AFAP1: variants seen among roughly 807,000 people sequenced by gnomAD.
The protein encoded by AFAP1 is actin filament associated protein 1.
In AFAP1, 75 loss-of-function variants were observed where a neutral mutation model predicts 93.9. The observed-to-expected ratio is 0.80, with a 90% CI of 0.66 to 0.97. The LOEUF is 0.97. AFAP1 is among the 50% of genes least tolerant of loss of function. The probability of loss-of-function intolerance (pLI) is 0.00; values close to 1 mark genes in which losing one functional copy is unlikely to be tolerated. For synonymous variants in AFAP1, 517 were observed against 430.7 expected, an observed-to-expected ratio of 1.20 and a Z score of -2.48; for missense variants, 1,201 against 1,050.8, an observed-to-expected ratio of 1.14 and a Z score of -1.98.
intron 1 of AFAP1, among the ~76,000 whole-genome samples, chr4:7,924,597 A>G (rs921042104): frequency 3.3e-5 from 5 of 152,194 alleles, no homozygotes; most frequent in African/African-American, 4.8e-5. Context: ...AAAAATTCCC[A>G]GTGTATCCAA....
chr4:7,773,119 G>C lies in AFAP1; in HGVS notation c.2063-109C>G. The C allele has an allele frequency of 4.1e-6, 6 of 1,458,602 alleles. No homozygotes were observed. The African/African-American group carries it at 7.1e-5, about 17-fold the overall frequency. 90.4% of individuals were successfully genotyped at this position (1,458,602 alleles called of 1,614,324 possible). A position where few individuals can be genotyped will look rare whatever the true frequency, so the allele number is the denominator to read the frequency against. ...ACTTCCACAAAACGTCTGAGGTCGA[G>C]CTCCCCTGACTTAGGTCCTCGTTGT... On this transcript the variant is annotated intron_variant, in intron 15 of 17. Coordinates refer to ENST00000420658, the MANE Select transcript of AFAP1 (RefSeq NM_001134647.2).
chr4:7,851,689 G>A (rs1404561992), intron 4 of AFAP1, among the ~76,000 whole-genome samples: 1 of 152,138 alleles, frequency 6.6e-6, no homozygotes, highest in Non-Finnish European at 1.5e-5. Context: ...CAGCAACACG[G>A]ACTTCACTCA....
intron 6 of AFAP1, among the ~76,000 whole-genome samples, chr4:7,834,782 A>G (rs942735510): frequency 2.0e-5 from 3 of 152,262 alleles, no homozygotes; most frequent in Middle Eastern, 3.2e-3. Flanking sequence ...CAAAATACCC[A>G]TAAGCAGGAT....
chr4:7,881,707 C>T (rs1232062472), intron 1 of AFAP1, among the ~76,000 whole-genome samples: 2 of 151,668 alleles, frequency 1.3e-5, no homozygotes, highest in Admixed American at 1.3e-4. Flanking sequence ...CACTTGAATC[C>T]GGGTGGTGGA....
chr4:7,895,337 T>C (rs776278221), intron 1 of AFAP1, among the ~76,000 whole-genome samples: 29 of 152,166 alleles, frequency 1.9e-4, no homozygotes, highest in Non-Finnish European at 3.5e-4. Flanking sequence ...CCTTAGCTCG[T>C]AAGAAGTCTC....
rs1183702608 is a variant in AFAP1, at chr4:7,909,072, A to AG, written c.-3+30583dup. Reference sequence around the variant, plus strand: ...TAAAACTAAAGTAGTCTTTGGTTCGAGGGGTAAGGGTATACTACCTTTTAC... The same window carrying AG: ...TAAAACTAAAGTAGTCTTTGGTTCGAGGGGGTAAGGGTATACTACCTTTTAC... On this transcript the variant is annotated intron_variant, in intron 1 of 17. Transcript: ENST00000420658. Among the ~76,000 whole-genome samples, 5 of 152,362 alleles carry AG rather than the reference A, an allele frequency of 3.3e-5. No homozygotes were observed. In the South Asian group the frequency reaches 8.3e-4, roughly 25 times the overall value.
At chr4:7,784,085 G>A (rs1446379769) in intron 12 of AFAP1, among the ~76,000 whole-genome samples, 1 of 151,714 alleles carries the variant, frequency 6.6e-6, no homozygotes, top group Non-Finnish European at 1.5e-5. Flanking sequence ...CCTGCCACAG[G>A]CTGGTATGGT....
In AFAP1 at chr4:7,799,954, G is replaced by A. The variant is rs539461254; in HGVS notation, c.1266+488C>T. Among the ~76,000 whole-genome samples the A allele has an allele frequency of 1.6e-4, 24 of 152,250 alleles. No homozygotes were observed. The South Asian group carries it at 2.5e-3, about 16-fold the overall frequency. ...TGTGTCATGTGGCTCACTGGCCGCC[G>A]TCTATAAGGCATTCAGATGGCCCCA... On this transcript the variant is annotated intron_variant, in intron 10 of 17. Transcript: ENST00000420658.
chr4:7,794,681 C>G (rs930043023), intron 10 of AFAP1, among the ~76,000 whole-genome samples: 1 of 146,412 alleles, frequency 6.8e-6, no homozygotes, highest in Non-Finnish European at 1.5e-5. Flanking sequence ...ACCACCAAGT[C>G]CAGCTAATTT....
At chr4:7,902,234 C>G (rs537364180) in intron 1 of AFAP1, among the ~76,000 whole-genome samples, 1 of 152,292 alleles carries the variant, frequency 6.6e-6, no homozygotes, top group East Asian at 1.9e-4. Flanking sequence ...CCCAAATCCC[C>G]ATGTGATGCG....
rs1713479636 is a variant in AFAP1, at chr4:7,759,493, CGTTTTGGTTTCATTTTA to C, written c.*4255_*4271del. The C allele has an allele frequency of 6.6e-6, 1 of 152,534 alleles. No individual in the cohort carries two copies. Among genetic ancestry groups the C allele is most frequent in the South Asian group, 2.1e-4 (1 of 4,820 alleles). 9.4% of individuals were successfully genotyped at this position (152,534 alleles called of 1,614,324 possible). A position where few individuals can be genotyped will look rare whatever the true frequency, so the allele number is the denominator to read the frequency against. On this transcript the variant is annotated 3_prime_UTR_variant, in exon 18 of 18. Transcript: ENST00000420658. ...CTGTGCCACGTATTTACGGCAGGAA[CGTTTTGGTTTCATTTTA>C]GTTTATTTCACAGTATGAACCCAGC...
chr4:7,778,729 G>A lies in AFAP1; in HGVS notation c.1897+33C>T, dbSNP rs367772842. 5.0e-5 allele frequency: 80 copies of A among 1,597,140 alleles called. No homozygotes were observed. The African/African-American group carries it at 7.6e-4, about 15-fold the overall frequency. ...CCCAGCTCCACCAAGTGCACTTGAA[G>A]CCGGAATGCAAGACATCCGATGGTA... On this transcript the variant is annotated intron_variant, in intron 14 of 17. Coordinates refer to ENST00000420658, the MANE Select transcript of AFAP1 (RefSeq NM_001134647.2).
chr4:7,873,691 C>A (rs180817695), intron 1 of AFAP1, among the ~76,000 whole-genome samples: 1 of 151,994 alleles, frequency 6.6e-6, no homozygotes, highest in African/African-American at 2.4e-5. Context: ...ATGGGAAGCA[C>A]GCATGAAGCC....
intron 1 of AFAP1, among the ~76,000 whole-genome samples, chr4:7,899,016 T>C (rs564120631): frequency 3.0e-5 from 4 of 132,802 alleles, no homozygotes; most frequent in African/African-American, 7.5e-5. Context: ...TATATAAATA[T>C]ATGTGTGTGT....
intron 1 of AFAP1, among the ~76,000 whole-genome samples, chr4:7,919,566 G>C (rs145138107): frequency 6.6e-6 from 1 of 152,316 alleles, no homozygotes; most frequent in African/African-American, 2.4e-5. Context: ...AACAAGCCAT[G>C]TGCGAAAGAG....
rs1303843165 is a variant in AFAP1 at position 7,939,761 on chromosome 4, C to T, written c.-108G>A. On this transcript the variant is annotated 5_prime_UTR_variant, in exon 1 of 18. Transcript: ENST00000420658. This position sits in a 1 kb window ranked among gnomAD's most constrained non-coding sequence, Gnocchi z 5.6. ...CGCAGCCGCCTTAACAATGGAGCCC[C>T]GGGGCGGGGCCGCCGCCGCCGCCTC... The T allele has an allele frequency of 2.5e-6, 1 of 399,892 alleles. No homozygotes were observed. The highest frequency in any genetic ancestry group is 2.2e-5 in the African/African-American group (1 of 45,364). 24.8% of individuals were successfully genotyped at this position (399,892 alleles called of 1,614,324 possible). A position where few individuals can be genotyped will look rare whatever the true frequency, so the allele number is the denominator to read the frequency against.
chr4:7,774,647 G>C, intron 15 of AFAP1, 92 bp downstream of exon 15: 3 of 1,495,316 alleles, frequency 2.0e-6, no homozygotes, highest in South Asian at 2.7e-5. Context: ...TGACAGCCTT[G>C]GTGAGCAATA....
rs571689249 is a variant in AFAP1 at position 7,810,943 on chromosome 4, C to T, written c.905-1180G>A. ...TGCCGAGGGCTCTGTCCGTGACCTCCGGCGGAATTGCAGGGGCAGGGATCA... is the reference window on the plus strand; with the variant it reads ...TGCCGAGGGCTCTGTCCGTGACCTCTGGCGGAATTGCAGGGGCAGGGATCA... On this transcript the variant is annotated intron_variant, in intron 8 of 17. Coordinates refer to ENST00000420658, the MANE Select transcript of AFAP1 (RefSeq NM_001134647.2). Among the ~76,000 whole-genome samples the T allele has an allele frequency of 5.3e-5, 8 of 152,330 alleles. No homozygotes were observed. The South Asian group carries it at 8.3e-4, about 16-fold the overall frequency.
At position 7,793,744 on chromosome 4, in the gene AFAP1, T is replaced by C. The variant is rs1718117319; in HGVS notation, c.1349A>G (p.His450Arg). 3 of 1,579,982 alleles carry C rather than the reference T, an allele frequency of 1.9e-6. No individual in the cohort carries two copies. The highest frequency in any genetic ancestry group is 2.6e-6 in the Non-Finnish European group (3 of 1,153,468). The part of the protein sequence containing the change: ...TGSSTDPEAL[H>R]YDYIDVEMSA... ...CATCTCCACATCAATGTAGTCATAG[T>C]GCAGAGCCTCCGGGTCTGTGGACGA... Residue 450 changes from histidine (H) to arginine (R), a missense_variant, in exon 11 of 18, where the codon CAC becomes CGC. Physicochemically the swap from His to Arg is conservative, Grantham distance 29. Transcript: ENST00000420658.
Sources: gnomAD v4.1 joint callset for allele counts (sites outside exome capture counted in the v4.1 genomes callset) on GRCh38, gnomAD v4.1.1 for gene constraint, Gnocchi (gnomAD v3.1) non-coding constraint, MANE v1.5 for transcripts, NCBI Gene and HGNC (gene_info 2026-07-23, HGNC 2026-07-21) for gene names.